The following ANO3 variants were observed in gnomAD, a reference collection of about 807,000 sequenced individuals.
ANO3 encodes the protein anoctamin 3.
ANO3 carries 99 observed loss-of-function variants against 144.8 expected under a neutral mutation model. The ratio of observed to expected loss-of-function variants is 0.68; its 90% CI spans 0.58 to 0.81. The LOEUF is 0.81. Among genes scored for constraint, ANO3 ranks in the 30% least tolerant of loss-of-function variants. The probability of loss-of-function intolerance (pLI) is 0.00; values close to 1 mark genes in which losing one functional copy is unlikely to be tolerated. For missense variants in ANO3, 905 were observed against 1,202.2 expected, an observed-to-expected ratio of 0.75 and a Z score of 3.66; for synonymous variants, 414 against 392.6, an observed-to-expected ratio of 1.05 and a Z score of -0.64.
chr11:26,496,974 G>GTATATA (rs71047855), intron 4 of ANO3, among the ~76,000 whole-genome samples: 6,755 of 136,320 alleles, frequency 0.05, 225 homozygotes, highest in African/African-American at 0.072. Context: ...AATGTTGTGT[G>GTATATA]TATATATATA....
intron 1 of ANO3, among the ~76,000 whole-genome samples, chr11:26,212,482 A>G (rs1851954570): frequency 6.6e-6 from 1 of 152,126 alleles, no homozygotes; most frequent in South Asian, 2.1e-4. Context: ...AATACAAACT[A>G]CCATCAGAGA....
At chr11:26,303,896 T>C (rs1421121815) in intron 1 of ANO3, among the ~76,000 whole-genome samples, 1 of 152,024 alleles carries the variant, frequency 6.6e-6, no homozygotes, top group African/African-American at 2.4e-5. Context: ...ATTTTTGTAT[T>C]TTTAGTAGAG....
At chr11:26,369,443 C>G (rs1856187327) in intron 1 of ANO3, among the ~76,000 whole-genome samples, 1 of 152,174 alleles carries the variant, frequency 6.6e-6, no homozygotes, top group East Asian at 1.9e-4. Flanking sequence ...CCTACCATTT[C>G]TCCTTTTCAA....
intron 19 of ANO3, 44 bp downstream of exon 19, chr11:26,634,359 C>A: frequency 7.9e-7 from 1 of 1,261,450 alleles, no homozygotes; most frequent in Non-Finnish European, 1.2e-6. Context: ...GTGAAAAACA[C>A]AGTCAATAGT....
At chr11:26,200,056 C>T (rs1190789786) in intron 1 of ANO3, among the ~76,000 whole-genome samples, 1 of 152,076 alleles carries the variant, frequency 6.6e-6, no homozygotes, top group Admixed American at 6.6e-5. Flanking sequence ...AGGCTTCGAA[C>T]TGAAACTTGA....
At chr11:26,376,266 T>C (rs1564990724) in intron 1 of ANO3, among the ~76,000 whole-genome samples, 2 of 152,172 alleles carry the variant, frequency 1.3e-5, no homozygotes, top group Admixed American at 1.3e-4. Flanking sequence ...AAGTTGCTTT[T>C]AGTTTTTAGT....
chr11:26,332,237 G>T lies in ANO3; in HGVS notation c.-39G>T. 1 of 1,613,972 alleles carries T rather than the reference G, an allele frequency of 6.2e-7. No homozygotes were observed. The highest frequency in any genetic ancestry group is 1.7e-5 in the Admixed American group (1 of 59,996). On this transcript the variant is annotated 5_prime_UTR_variant, in exon 1 of 27. Transcript: ENST00000256737. Reference sequence around the variant, plus strand: ...GCTACTGTTCCTCCGCCTCCCTCTCGGGCAGCTCCCTAAGCCGGCTGGGAC... The same window carrying T: ...GCTACTGTTCCTCCGCCTCCCTCTCTGGCAGCTCCCTAAGCCGGCTGGGAC...
At chr11:26,612,694 A>G (rs903233573) in intron 17 of ANO3, among the ~76,000 whole-genome samples, 2 of 151,970 alleles carry the variant, frequency 1.3e-5, no homozygotes, top group African/African-American at 2.4e-5. Flanking sequence ...AGTGGTGACA[A>G]ATTTCTTCAG....
At chr11:26,539,713 T>C (rs1849598303) in intron 10 of ANO3, among the ~76,000 whole-genome samples, 1 of 152,174 alleles carries the variant, frequency 6.6e-6, no homozygotes, top group African/African-American at 2.4e-5. Flanking sequence ...AATATTCTGA[T>C]GAGCTTTGCA....
intron 2 of ANO3, 130 bp from the exon 3 acceptor site, chr11:26,443,635 C>T: frequency 2.0e-6 from 1 of 500,978 alleles, no homozygotes; most frequent in Non-Finnish European, 3.5e-6. Context: ...TTTTAAATAA[C>T]TAATTTTAAT....
At position 26,565,169 on chromosome 11, in the gene ANO3, T is replaced by C. The variant is rs375369150; in HGVS notation, c.1447+5390T>C. 1.0e-5 allele frequency: 15 copies of C among 1,499,786 alleles called. No homozygotes were observed. The African/African-American group carries it at 2.0e-4, about 20-fold the overall frequency. The allele number at this position is 1,499,786 out of a possible 1,614,324, so 92.9% of individuals were successfully genotyped here. On this transcript the variant is annotated intron_variant, in intron 14 of 26. Coordinates refer to ENST00000256737, the MANE Select transcript of ANO3 (RefSeq NM_031418.4). ...GTTAAAATCATTTATATTTACCTTTTTGGGGATCTGACGTATTTGGAAAGA... is the reference window on the plus strand; with the variant it reads ...GTTAAAATCATTTATATTTACCTTTCTGGGGATCTGACGTATTTGGAAAGA...
intron 1 of ANO3, among the ~76,000 whole-genome samples, chr11:26,423,955 A>G (rs1857837133): frequency 6.6e-6 from 1 of 151,922 alleles, no homozygotes; most frequent in Non-Finnish European, 1.5e-5. Flanking sequence ...TTTCCCATCT[A>G]TGACGTAGGC....
At chr11:26,559,528 C>T in intron 13 of ANO3, 191 bp from the exon 14 acceptor site, 2 of 560,210 alleles carry the variant, frequency 3.6e-6, no homozygotes. Context: ...TGTTTCTTCA[C>T]CTCTCCCCAT....
At chr11:26,593,455 C>T (rs894222631) in intron 14 of ANO3, among the ~76,000 whole-genome samples, 35 of 152,046 alleles carry the variant, frequency 2.3e-4, no homozygotes, top group African/African-American at 8.2e-4. Context: ...GACAGATGTC[C>T]GGGGCAGGAC....
chr11:26,192,608 A>G (rs1415887267), intron 1 of ANO3, among the ~76,000 whole-genome samples: 1 of 152,214 alleles, frequency 6.6e-6, no homozygotes, highest in Non-Finnish European at 1.5e-5. Flanking sequence ...CAAAATATCT[A>G]TAAGGTAGTA....
Position 26,508,561 on chromosome 11 carries a change from C to T in ANO3, c.591+299C>T, listed in dbSNP as rs1861525671. On this transcript the variant is annotated intron_variant, in intron 5 of 26. Transcript: ENST00000256737. ...GAAAACTTTATGAAAAGGAAAATAA[C>T]ATTTTGAAAGAAAAGAATTTGCCAA... is the stretch of plus-strand genomic sequence containing the variant. 1.5e-5 allele frequency: 5 copies of T among 338,262 alleles called. No individual in the cohort carries two copies. In the South Asian group the frequency reaches 7.6e-4, roughly 51 times the overall value. 21.0% of individuals were successfully genotyped at this position (338,262 alleles called of 1,614,324 possible).
chr11:26,195,719 C>T (rs543274262), intron 1 of ANO3, among the ~76,000 whole-genome samples: 1 of 152,098 alleles, frequency 6.6e-6, no homozygotes, highest in African/African-American at 2.4e-5. Context: ...AATTGTTATA[C>T]CCTTATGTGT....
At chr11:26,537,561 G>T in intron 10 of ANO3, 100 bp downstream of exon 10, 1 of 1,025,712 alleles carries the variant, frequency 9.7e-7, no homozygotes, top group South Asian at 1.3e-5. Context: ...CTCCCAGGAG[G>T]ATTCAGTCTG....
chr11:26,544,273 T>TATATAC lies in ANO3; in HGVS notation c.1154+2206_1154+2207insTATACA. On this transcript the variant is annotated intron_variant, in intron 11 of 26. Transcript: ENST00000256737. The stretch of plus-strand genomic sequence containing the variant: ...ATACATATATATATATATATATATA[T>TATATAC]ACACACATACACACACACACACACA... 2.9e-4 allele frequency among the ~76,000 whole-genome samples: 17 copies of TATATAC among 58,564 alleles called. 2 individuals carry two copies. The highest frequency in any genetic ancestry group is 9.9e-4 in the South Asian group (1 of 1,012). 38.4% of individuals were successfully genotyped at this position (58,564 alleles called of 152,430 possible).
Sources: gnomAD v4.1 joint callset for allele counts (sites outside exome capture counted in the v4.1 genomes callset) on GRCh38, gnomAD v4.1.1 for gene constraint, MANE v1.5 for transcripts, NCBI Gene and HGNC (gene_info 2026-07-23, HGNC 2026-07-21) for gene names.